Variants in DUT observed in about 807,000 individuals in gnomAD.
DUT encodes the protein deoxyuridine triphosphatase.
A neutral mutation model predicts 28.8 loss-of-function variants in DUT; 21 were observed. The observed-to-expected ratio is 0.73, with a 90% CI of 0.52 to 1.05. The LOEUF (loss-of-function observed/expected upper bound fraction) is 1.05. Among genes scored for constraint, DUT ranks in the 50% least tolerant of loss-of-function variants. The probability of loss-of-function intolerance (pLI) is 0.00; values close to 1 mark genes in which losing one functional copy is unlikely to be tolerated. For synonymous variants in DUT, 147 were observed against 143.7 expected (o/e 1.02, Z -0.17); for missense variants, 344 against 351.8 (o/e 0.98, Z 0.18).
At position 48,332,303 on chromosome 15, in the gene DUT, C is replaced by A; in HGVS notation, c.316C>A (p.Pro106Thr). The A allele has an allele frequency of 6.2e-7, 1 of 1,609,008 alleles. No individual in the cohort carries two copies. Among genetic ancestry groups the A allele is most frequent in the South Asian group, 1.1e-5 (1 of 90,804 alleles). ...CATTTCACCCAGTAAGCGGGCCCGG[C>A]CTGCGGAGGTGGGCGGCATGCAGCT... ...PAISPSKRAR[P>T]AEVGGMQLRF... Residue 106 changes from proline to threonine, a missense_variant, in exon 2 of 7, where the codon CCT becomes ACT. By Grantham distance (38) the Pro-to-Thr change is conservative. Coordinates refer to ENST00000331200, the MANE Select transcript of DUT (RefSeq NM_001025248.2).
chr15:48,336,954 A>G (rs2042482639), intron 4 of DUT, among the ~76,000 whole-genome samples: 1 of 152,158 alleles, frequency 6.6e-6, no homozygotes, highest in Admixed American at 6.6e-5. Flanking sequence ...TTAATTGTGG[A>G]GATTACCCTG....
chr15:48,336,529 A>G (rs942154713), intron 4 of DUT, among the ~76,000 whole-genome samples: 1 of 152,152 alleles, frequency 6.6e-6, no homozygotes, highest in African/African-American at 2.4e-5. Context: ...AGCCTTTCTC[A>G]TGTTTGTCTC....
chr15:48,331,545 C>G lies in DUT; in HGVS notation c.30C>G (p.Leu10=). 1 of 1,611,562 alleles carries G rather than the reference C, an allele frequency of 6.2e-7. No homozygotes were observed. The highest frequency in any genetic ancestry group is 1.3e-5 in the African/African-American group (1 of 74,976). ...CTCCCCTCTGCCCTCGCCCCGCGCT[C>G]TGCTACCATTTCCTTACGTCTCTGC... is the stretch of plus-strand genomic sequence containing the variant. MTPLCPRPA[L]CYHFLTSLLR... Residue 10 remains leucine (L), a synonymous_variant, in exon 1 of 7, where the codon CTC becomes CTG. Coordinates refer to ENST00000331200, the MANE Select transcript of DUT (RefSeq NM_001025248.2).
Position 48,341,333 on chromosome 15 carries a change from C to T in DUT, c.601C>T (p.Leu201=), listed in dbSNP as rs1474279386. 2 of 1,610,984 alleles carry T rather than the reference C, an allele frequency of 1.2e-6. No individual in the cohort carries two copies. ...EDYRGNVGVV[L]FNFGKEKFEV... Reference sequence around the variant, plus strand: ...TTATAGAGGAAATGTTGGTGTTGTACTGTTTAATTTTGGCAAAGAAAAGTT... The same window carrying T: ...TTATAGAGGAAATGTTGGTGTTGTATTGTTTAATTTTGGCAAAGAAAAGTT... Residue 201 remains leucine (L), a synonymous_variant, in exon 5 of 7, where the codon CTG becomes TTG. Transcript: ENST00000331200.
chr15:48,339,880 G>A (rs554851860), intron 4 of DUT, among the ~76,000 whole-genome samples: 11 of 152,062 alleles, frequency 7.2e-5, no homozygotes, highest in Non-Finnish European at 1.3e-4. Flanking sequence ...TAATCCATTC[G>A]GAAAATCTAA....
intron 2 of DUT, chr15:48,332,714 G>A (rs1313673922): frequency 1.7e-6 from 1 of 585,944 alleles, no homozygotes; most frequent in East Asian, 3.9e-5. Context: ...CGAGGGTGAT[G>A]CTGTGCTCAA....
At chr15:48,336,169 AT>A in intron 4 of DUT, 79 bp downstream of exon 4, 2 of 1,229,510 alleles carry the variant, frequency 1.6e-6, no homozygotes, top group Non-Finnish European at 2.2e-6. Context: ...CAAATGACAG[AT>A]TTTATTTTTA....
In DUT at chr15:48,341,580, G is replaced by A. The variant is rs1211611556; in HGVS notation, c.697G>A (p.Val233Ile). 6.2e-7 allele frequency: 1 copy of A among 1,609,918 alleles called. No homozygotes were observed. The highest frequency in any genetic ancestry group is 8.5e-7 in the Non-Finnish European group (1 of 1,177,038). The change falls in exon 6 of 7, where the codon GTT (valine) becomes ATT (isoleucine). Residue 233 changes from valine to isoleucine, a missense_variant. By Grantham distance (29) the Val-to-Ile change is conservative. Transcript: ENST00000331200. ...GATTTTTTATCCAGAAATAGAAGAA[G>A]TTCAAGTAAGTATTACAAAGGAAGA... is the stretch of plus-strand genomic sequence containing the variant. The part of the protein sequence containing the change: ...ERIFYPEIEE[V>I]QALDDTERGS...
intron 2 of DUT, among the ~76,000 whole-genome samples, chr15:48,332,994 A>C (rs972364676): frequency 6.6e-6 from 1 of 152,112 alleles, no homozygotes; most frequent in Non-Finnish European, 1.5e-5. Flanking sequence ...TACTTTTTAC[A>C]CAGGCAGGAG....
chr15:48,333,199 T>G (rs887303847), intron 2 of DUT, among the ~76,000 whole-genome samples: 1 of 152,010 alleles, frequency 6.6e-6, no homozygotes, highest in Non-Finnish European at 1.5e-5. Context: ...TTAAAGTATC[T>G]CAGATAATTC....
At chr15:48,341,610 G>A in intron 6 of DUT, 25 bp downstream of exon 6, 2 of 1,556,148 alleles carry the variant, frequency 1.3e-6, no homozygotes, top group Non-Finnish European at 1.8e-6. Flanking sequence ...GGAAGATACA[G>A]AATAAGTAAT....
intron 1 of DUT, 53 bp from the exon 2 acceptor site, chr15:48,332,215 C>A (rs750785322): frequency 2.4e-5 from 37 of 1,541,930 alleles, no homozygotes; most frequent in Non-Finnish European, 3.1e-5. Flanking sequence ...CTCTCCTCTT[C>A]CCCCGGTGGT....
At chr15:48,333,740 C>T (rs2042444246) in intron 2 of DUT, among the ~76,000 whole-genome samples, 1 of 152,200 alleles carries the variant, frequency 6.6e-6, no homozygotes, top group African/African-American at 2.4e-5. Flanking sequence ...GGGCCGTTCA[C>T]GGTGATCAGC....
At chr15:48,334,981 G>A (rs1017714502) in intron 3 of DUT, among the ~76,000 whole-genome samples, 6 of 152,190 alleles carry the variant, frequency 3.9e-5, no homozygotes, top group African/African-American at 7.2e-5. Flanking sequence ...TTGCAAGAGC[G>A]TAAGTTCTTT....
At chr15:48,331,949 C>T (rs1190775764) in intron 1 of DUT, 154 bp downstream of exon 1, 9 of 918,100 alleles carry the variant, frequency 9.8e-6, no homozygotes, top group Admixed American at 3.8e-5. Flanking sequence ...GGGCGGCTTT[C>T]TAGTGTGTGA....
chr15:48,341,989 A>G, intron 6 of DUT, 33 bp from the exon 7 acceptor site: 1 of 1,543,528 alleles, frequency 6.5e-7, no homozygotes, highest in Non-Finnish European at 8.7e-7. Flanking sequence ...TCTTAAAAAA[A>G]ACTGTGAAGC....
At chr15:48,339,918 C>G (rs1432523908) in intron 4 of DUT, among the ~76,000 whole-genome samples, 2 of 152,006 alleles carry the variant, frequency 1.3e-5, no homozygotes. Flanking sequence ...ATATTTTTCC[C>G]CGTGGTGGAC....
rs1284350042 is a variant in DUT, at chr15:48,331,625, T to G, written c.110T>G (p.Val37Gly). 1 of 1,550,742 alleles carries G rather than the reference T, an allele frequency of 6.4e-7. No homozygotes were observed. The highest frequency in any genetic ancestry group is 8.7e-7 in the Non-Finnish European group (1 of 1,148,648). ...RGARQRAEAA[V>G]LSGPGPPLGR... ...GCACGGCAGAGGGCCGAAGCCGCGG[T>G]ACTCTCCGGGCCAGGCCCGCCCCTC... The change falls in exon 1 of 7, where the codon GTA becomes GGA. Residue 37 changes from valine to glycine, a missense_variant. Coordinates refer to ENST00000331200, the MANE Select transcript of DUT (RefSeq NM_001025248.2).
intron 1 of DUT, 29 bp downstream of exon 1, chr15:48,331,824 C>T (rs749184015): frequency 2.5e-6 from 3 of 1,208,330 alleles, no homozygotes; most frequent in East Asian, 4.8e-5. Context: ...GGGCTCCGGC[C>T]GTCTGGAAGG....
Sources: allele counts gnomAD v4.1 joint callset (sites outside exome capture counted in the v4.1 genomes callset), GRCh38; gene constraint gnomAD v4.1.1; transcripts MANE v1.5; gene names NCBI Gene and HGNC (gene_info 2026-07-23, HGNC 2026-07-21).